The following DYM variants were observed in gnomAD, a reference collection of about 807,000 sequenced individuals.
DYM encodes dymeclin.
DYM carries 78 observed loss-of-function variants against 93.1 expected under a neutral mutation model. That is an observed-to-expected ratio of 0.84 (90% CI 0.70 to 1.01). The LOEUF is 1.01. Among genes scored for constraint, DYM ranks in the 50% least tolerant of loss-of-function variants. DYM has a pLI of 0.00. For missense variants in DYM, 789 were observed against 845.0 expected, an observed-to-expected ratio of 0.93 and a Z score of 0.82; for synonymous variants, 321 against 319.7, an observed-to-expected ratio of 1.00 and a Z score of -0.04.
At chr18:49,121,546 C>T (rs969986858) in intron 15 of DYM, among the ~76,000 whole-genome samples, 2 of 151,982 alleles carry the variant, frequency 1.3e-5, no homozygotes, top group African/African-American at 4.8e-5. Context: ...GATTCAAGCA[C>T]GTCAGAAAAT....
intron 14 of DYM, among the ~76,000 whole-genome samples, chr18:49,194,086 G>A (rs568111283): frequency 8.5e-5 from 13 of 152,154 alleles, no homozygotes; most frequent in African/African-American, 2.9e-4. Flanking sequence ...CTCCATATAC[G>A]GAAACCCTGT....
chr18:49,324,973 T>A (rs1052860842), intron 8 of DYM, among the ~76,000 whole-genome samples: 1 of 152,170 alleles, frequency 6.6e-6, no homozygotes, highest in Non-Finnish European at 1.5e-5. Context: ...TATGACTCTA[T>A]CCCAAATCTT....
rs890381548 is a variant in DYM at position 49,265,575 on chromosome 18, T to C, written c.1251+6603A>G. 2.6e-5 allele frequency among the ~76,000 whole-genome samples: 4 copies of C among 151,794 alleles called. No individual in the cohort carries two copies. The East Asian group carries it at 7.8e-4, about 30-fold the overall frequency. On this transcript the variant is annotated intron_variant, in intron 11 of 17. Coordinates refer to ENST00000675505, the MANE Select transcript of DYM (RefSeq NM_001353214.3). ...CAGTGAATCACCTGAGGTCGCGAGT[T>C]CGAGACTAGCCTGACCAACATGGAG...
chr18:49,327,073 G>A (rs1352113565), intron 8 of DYM, among the ~76,000 whole-genome samples: 1 of 149,476 alleles, frequency 6.7e-6, no homozygotes, highest in Non-Finnish European at 1.5e-5. Context: ...GAGAGAGAGA[G>A]AAGAAAGTAC....
chr18:49,261,788 G>A (rs2094494729), intron 11 of DYM, among the ~76,000 whole-genome samples: 1 of 152,138 alleles, frequency 6.6e-6, no homozygotes, highest in East Asian at 1.9e-4. Context: ...ATTACCAACT[G>A]TTAATATTTT....
At chr18:49,081,043 C>T (rs1056607604) in intron 17 of DYM, among the ~76,000 whole-genome samples, 5 of 150,692 alleles carry the variant, frequency 3.3e-5, no homozygotes, top group Admixed American at 6.6e-5. Flanking sequence ...CAGAGGGGCT[C>T]CTCACGTCCC....
chr18:49,266,952 C>T (rs1433800968), intron 11 of DYM, among the ~76,000 whole-genome samples: 1 of 150,248 alleles, frequency 6.7e-6, no homozygotes, highest in Non-Finnish European at 1.5e-5. Context: ...CCTTAAGAAA[C>T]GTTGGGGAAA....
At chr18:49,208,617 T>C (rs2092636609) in intron 14 of DYM, 1 of 152,206 alleles carries the variant, frequency 6.6e-6, no homozygotes, top group African/African-American at 2.4e-5. Context: ...CACTTAGATA[T>C]TATGTATAGT....
At chr18:49,224,960 A>T (rs548164116) in intron 13 of DYM, among the ~76,000 whole-genome samples, 1 of 152,252 alleles carries the variant, frequency 6.6e-6, no homozygotes, top group African/African-American at 2.4e-5. Context: ...TTGATGAAGG[A>T]GTGGTTACCA....
intron 6 of DYM, among the ~76,000 whole-genome samples, chr18:49,342,630 T>C (rs547574365): frequency 1.3e-5 from 2 of 152,332 alleles, no homozygotes; most frequent in East Asian, 1.9e-4. Flanking sequence ...AATAAAAATA[T>C]AGTCATGGGT....
intron 11 of DYM, among the ~76,000 whole-genome samples, chr18:49,270,611 G>A (rs2094671914): frequency 6.6e-6 from 1 of 152,060 alleles, no homozygotes; most frequent in African/African-American, 2.4e-5. Flanking sequence ...GTGAGATGAT[G>A]GATATGCTAA....
intron 17 of DYM, among the ~76,000 whole-genome samples, chr18:49,067,420 T>G (rs1599487296): frequency 6.9e-6 from 1 of 145,536 alleles, no homozygotes. Context: ...GTTATGGAGG[T>G]TCAGTAGAGG....
chr18:49,414,319 A>AG (rs1307423036), intron 2 of DYM, among the ~76,000 whole-genome samples: 1 of 152,238 alleles, frequency 6.6e-6, no homozygotes, highest in African/African-American at 2.4e-5. Flanking sequence ...ACAAGAGTCA[A>AG]GAGGACCAGA....
intron 10 of DYM, among the ~76,000 whole-genome samples, chr18:49,278,648 G>A (rs180954357): frequency 1.5e-3 from 229 of 152,132 alleles, no homozygotes; most frequent in Middle Eastern, 6.8e-3. Context: ...AAGTAGCTGT[G>A]TTTCCTCCTT....
In DYM at chr18:49,216,956, G is replaced by A. The variant is rs565098404; in HGVS notation, c.1461-7241C>T. On this transcript the variant is annotated intron_variant, in intron 13 of 17. Transcript: ENST00000675505. Reference sequence around the variant, plus strand: ...AGACTTCAGACAATCAAAGTACTCCGAGCTACAGGAGGAAATTCAAACCGA... The same window carrying A: ...AGACTTCAGACAATCAAAGTACTCCAAGCTACAGGAGGAAATTCAAACCGA... 8.5e-5 allele frequency among the ~76,000 whole-genome samples: 13 copies of A among 152,264 alleles called. No individual in the cohort carries two copies. In the South Asian group the frequency reaches 1.5e-3, roughly 17 times the overall value.
Position 49,044,172 on chromosome 18 carries a change from T to C in DYM, c.2058A>G (p.Glu686=), listed in dbSNP as rs1211379216. ...KFPELKFKYV[E]EEQPEEFFIP... is the part of the protein sequence containing the mutation. ...TAAAAAACTCCTCGGGCTGCTCCTC[T>C]TCCACATATTTGAATTTCAATTCTG... Residue 686 remains glutamate, a synonymous_variant, in exon 18 of 18, where the codon GAA becomes GAG. Transcript: ENST00000675505. 6.2e-7 allele frequency: 1 copy of C among 1,614,046 alleles called. No homozygotes were observed. The highest frequency in any genetic ancestry group is 8.5e-7 in the Non-Finnish European group (1 of 1,180,024).
At chr18:49,379,858 CT>C in intron 3 of DYM, 100 bp from the exon 4 acceptor site, 2 of 929,590 alleles carry the variant, frequency 2.2e-6, no homozygotes, top group South Asian at 2.7e-5. Flanking sequence ...ATTAAAATTG[CT>C]CAGTGACCAA....
At chr18:49,337,764 G>C (rs2063779944) in intron 6 of DYM, among the ~76,000 whole-genome samples, 1 of 152,124 alleles carries the variant, frequency 6.6e-6, no homozygotes, top group Admixed American at 6.5e-5. Context: ...TCTGTATTAG[G>C]AACACAGAGA....
chr18:49,214,560 TAAAA>T (rs528419205), intron 13 of DYM, among the ~76,000 whole-genome samples: 2 of 121,548 alleles, frequency 1.6e-5, no homozygotes, highest in African/African-American at 3.1e-5. Context: ...AATCAATGAG[TAAAA>T]AAAAAAAAAA....
Sources: allele counts gnomAD v4.1 joint callset (sites outside exome capture counted in the v4.1 genomes callset), GRCh38; gene constraint gnomAD v4.1.1; transcripts MANE v1.5; gene names NCBI Gene and HGNC (gene_info 2026-07-23, HGNC 2026-07-21).